The following RNF19B variants were observed in gnomAD, a reference collection of about 807,000 sequenced individuals.
RNF19B encodes ring finger protein 19B.
RNF19B carries 23 observed loss-of-function variants against 65.5 expected under a neutral mutation model. The observed-to-expected ratio is 0.35, with a 90% confidence interval of 0.25 to 0.50. The LOEUF (loss-of-function observed/expected upper bound fraction) is 0.50, where lower values mean the gene tolerates loss of function less well. Among genes scored for constraint, RNF19B ranks in the 20% least tolerant of loss-of-function variants. RNF19B has a pLI of 0.98. For synonymous variants in RNF19B, 372 were observed against 379.6 expected (o/e 0.98, Z 0.23); for missense variants, 794 against 980.0 (o/e 0.81, Z 2.53).
Position 32,944,058 on chromosome 1 carries a change from C to A in RNF19B, c.1363G>T (p.Val455Leu), listed in dbSNP as rs1346788611. 2 of 1,613,298 alleles carry A rather than the reference C, an allele frequency of 1.2e-6. No individual in the cohort carries two copies. The highest frequency in any genetic ancestry group is 1.7e-6 in the Non-Finnish European group (2 of 1,179,482). ...TCATCTTCATCAAATTCAATTTTCA[C>A]TCCTTTTCCGTTGGCTGTGCTAACT... ...CGVSTANGKG[V>L]KIEFDEDDGP... Residue 455 changes from valine (V) to leucine (L), a missense_variant, in exon 6 of 9, where the codon GTG becomes TTG. Coordinates refer to ENST00000235150, the MANE Select transcript of RNF19B (RefSeq NM_001300826.2).
intron 3 of RNF19B, among the ~76,000 whole-genome samples, chr1:32,947,801 ACGATATTTATG>A: frequency 6.6e-6 from 1 of 152,162 alleles, no homozygotes; most frequent in Non-Finnish European, 1.5e-5. Context: ...TAAAGTACTG[ACGATATTTATG>A]ACAAAAGATA....
At chr1:32,935,609 GAGA>G (rs1642085031), downstream of RNF19B, among the ~76,000 whole-genome samples, 1 of 152,192 alleles carries the variant, frequency 6.6e-6, no homozygotes, top group Non-Finnish European at 1.5e-5. Flanking sequence ...TAGCAAAACT[GAGA>G]AAGTTTATCA....
intron 1 of RNF19B, among the ~76,000 whole-genome samples, chr1:32,962,354 T>C (rs970927464): frequency 6.6e-6 from 1 of 152,190 alleles, no homozygotes; most frequent in African/African-American, 2.4e-5. Context: ...AGAGGGCCAG[T>C]AAGATCACTA....
At chr1:32,931,660 T>C (rs1214616318), downstream of RNF19B, among the ~76,000 whole-genome samples, 1 of 152,258 alleles carries the variant, frequency 6.6e-6, no homozygotes, top group Non-Finnish European at 1.5e-5. Context: ...TTGATGTACA[T>C]GAGCCTTGCG....
intron 1 of RNF19B, among the ~76,000 whole-genome samples, chr1:32,962,155 G>A (rs1372641738): frequency 2.0e-5 from 3 of 152,070 alleles, no homozygotes; most frequent in African/African-American, 7.2e-5. Flanking sequence ...TTTTAGCAGA[G>A]ACAGGATACC....
At chr1:32,943,190 T>C (rs1642280522) in intron 6 of RNF19B, among the ~76,000 whole-genome samples, 1 of 151,782 alleles carries the variant, frequency 6.6e-6, no homozygotes, top group Non-Finnish European at 1.5e-5. Context: ...CCTTTGGGGT[T>C]TTCTACGTTA....
chr1:32,939,015 C>G (rs1642172563), intron 7 of RNF19B, among the ~76,000 whole-genome samples: 1 of 152,200 alleles, frequency 6.6e-6, no homozygotes, highest in African/African-American at 2.4e-5. Flanking sequence ...AATACCTATA[C>G]ATTTTATACT....
intron 1 of RNF19B, among the ~76,000 whole-genome samples, chr1:32,951,432 G>A (rs1415497566): frequency 1.3e-5 from 2 of 152,216 alleles, no homozygotes; most frequent in Non-Finnish European, 2.9e-5. Context: ...TGCAGGAGCC[G>A]GCGCACATGC....
downstream of RNF19B, among the ~76,000 whole-genome samples, chr1:32,934,027 C>T (rs1385198514): frequency 6.6e-6 from 1 of 152,298 alleles, no homozygotes; most frequent in Non-Finnish European, 1.5e-5. Flanking sequence ...TGATAATTTG[C>T]GTTTCAGAGA....
intron 1 of RNF19B, among the ~76,000 whole-genome samples, chr1:32,956,263 G>C (rs1247546496): frequency 6.6e-6 from 1 of 152,156 alleles, no homozygotes; most frequent in Non-Finnish European, 1.5e-5. Flanking sequence ...GCTACTCCCA[G>C]CTACTCGGGA....
At chr1:32,963,514 G>A (rs1230164182) in intron 1 of RNF19B, among the ~76,000 whole-genome samples, 1 of 151,980 alleles carries the variant, frequency 6.6e-6, no homozygotes, top group African/African-American at 2.4e-5. Flanking sequence ...TCAGGAGTTC[G>A]AGACCAGCCT....
intron 1 of RNF19B, among the ~76,000 whole-genome samples, chr1:32,951,423 G>A (rs933982938): frequency 6.6e-6 from 1 of 152,250 alleles, no homozygotes; most frequent in African/African-American, 2.4e-5. Flanking sequence ...CTTTGCACTT[G>A]CAGGAGCCGG....
chr1:32,957,293 C>T (rs1642662088), intron 1 of RNF19B, among the ~76,000 whole-genome samples: 1 of 152,180 alleles, frequency 6.6e-6, no homozygotes, highest in African/African-American at 2.4e-5. Context: ...GTGCACACCA[C>T]CATGCCTGCT....
At chr1:32,957,169 G>C (rs1642657841) in intron 1 of RNF19B, among the ~76,000 whole-genome samples, 1 of 152,126 alleles carries the variant, frequency 6.6e-6, no homozygotes, top group Non-Finnish European at 1.5e-5. Context: ...ACGTTTTCAG[G>C]TTGATCTCTA....
the RNF19B span, among the ~76,000 whole-genome samples, chr1:32,930,488 C>T: frequency 6.6e-6 from 1 of 151,744 alleles, no homozygotes; most frequent in Non-Finnish European, 1.5e-5. Context: ...TCACTGCAGC[C>T]TCAAATCCCT....
At chr1:32,948,187 G>C (rs1398200326) in intron 3 of RNF19B, 35 bp downstream of exon 3, 3 of 1,605,240 alleles carry the variant, frequency 1.9e-6, no homozygotes. Context: ...AAGAGAATGA[G>C]ACTACGAAAG....
chr1:32,958,593 G>A (rs1306444355), intron 1 of RNF19B, among the ~76,000 whole-genome samples: 1 of 152,066 alleles, frequency 6.6e-6, no homozygotes, highest in Non-Finnish European at 1.5e-5. Flanking sequence ...GCAGGTGCCT[G>A]TAGTCCCAGC....
At chr1:32,952,453 A>C (rs529085648) in intron 1 of RNF19B, among the ~76,000 whole-genome samples, 107 of 148,966 alleles carry the variant, frequency 7.2e-4, no homozygotes, top group African/African-American at 2.4e-3. Context: ...AAAAAAAAAA[A>C]AAAAAACAGC....
At chr1:32,957,490 T>C (rs1642666193) in intron 1 of RNF19B, among the ~76,000 whole-genome samples, 1 of 152,206 alleles carries the variant, frequency 6.6e-6, no homozygotes. Context: ...TCTAAGTTCT[T>C]TTTGAAATAC....
Sources: allele counts gnomAD v4.1 joint callset (sites outside exome capture counted in the v4.1 genomes callset), GRCh38; gene constraint gnomAD v4.1.1; transcripts MANE v1.5; gene names NCBI Gene and HGNC (gene_info 2026-07-23, HGNC 2026-07-21).